IL18R1: variants seen among roughly 807,000 people sequenced by gnomAD.
IL18R1 encodes interleukin-18 receptor 1.
A neutral mutation model predicts 48.5 loss-of-function variants in IL18R1; 40 were observed. The ratio of observed to expected loss-of-function variants is 0.82; its 90% CI spans 0.64 to 1.07. The LOEUF (loss-of-function observed/expected upper bound fraction) is 1.07, where lower values mean the gene tolerates loss of function less well. Ranked by LOEUF, IL18R1 falls within the 50% of genes least tolerant of loss-of-function variation. The probability of loss-of-function intolerance (pLI) is 0.00; values close to 1 mark genes in which losing one functional copy is unlikely to be tolerated. For synonymous variants in IL18R1, 232 were observed against 225.9 expected, an observed-to-expected ratio of 1.03 and a Z score of -0.24; for missense variants, 596 against 633.7, an observed-to-expected ratio of 0.94 and a Z score of 0.64.
At chr2:102,364,319 T>A (rs1400579105) in intron 2 of IL18R1, among the ~76,000 whole-genome samples, 1 of 152,142 alleles carries the variant, frequency 6.6e-6, no homozygotes, top group Non-Finnish European at 1.5e-5. Flanking sequence ...AATTGCGAAA[T>A]GGTAACACGA....
chr2:102,366,068 G>C (rs1678877195), intron 2 of IL18R1, among the ~76,000 whole-genome samples: 1 of 152,138 alleles, frequency 6.6e-6, no homozygotes, highest in Non-Finnish European at 1.5e-5. Flanking sequence ...ATTAACATTT[G>C]AGTCCTCATT....
intron 1 of IL18R1, among the ~76,000 whole-genome samples, chr2:102,360,269 T>A (rs1286524069): frequency 6.6e-6 from 1 of 152,140 alleles, no homozygotes; most frequent in East Asian, 1.9e-4. Flanking sequence ...CTTTTAAACA[T>A]CTTTTATTTT....
intron 4 of IL18R1, among the ~76,000 whole-genome samples, chr2:102,372,761 C>A (rs1413853092): frequency 1.3e-5 from 2 of 152,032 alleles, no homozygotes; most frequent in African/African-American, 4.8e-5. Context: ...CTAACTAACC[C>A]CCTTGTTTCG....
chr2:102,363,875 T>C (rs1678732045), intron 2 of IL18R1, among the ~76,000 whole-genome samples: 1 of 152,246 alleles, frequency 6.6e-6, no homozygotes. Flanking sequence ...GCATTGGTTG[T>C]TGGCACTGCT....
In IL18R1 at chr2:102,356,197, CCTT is replaced by C. The variant is rs909484808; in HGVS notation, c.-222_-220del. The C allele has an allele frequency of 6.3e-5, 16 of 254,316 alleles. No homozygotes were observed. The highest frequency in any genetic ancestry group is 2.2e-4 in the African/African-American group (9 of 41,366). The allele number at this position is 254,316 out of a possible 1,614,324, so 15.8% of individuals were successfully genotyped here. A position where few individuals can be genotyped will look rare whatever the true frequency, so the allele number is the denominator to read the frequency against. ...TCTTCTTTCTGTTCCTACTTTTTTT[CCTT>C]CTTCTTCTTTTTTTTTTTTTTTGTA... On this transcript the variant is annotated 5_prime_UTR_variant, in exon 1 of 11. Transcript: ENST00000233957.
At position 102,396,948 on chromosome 2, in the gene IL18R1, C is replaced by A; in HGVS notation, c.*62C>A. The A allele has an allele frequency of 3.2e-6, 3 of 941,958 alleles. No individual in the cohort carries two copies. The highest frequency in any genetic ancestry group is 1.6e-5 in the African/African-American group (1 of 60,612). 58.3% of individuals were successfully genotyped at this position (941,958 alleles called of 1,614,324 possible). A position where few individuals can be genotyped will look rare whatever the true frequency, so the allele number is the denominator to read the frequency against. ...TATTCTGGGGACTGAGCATATGAAC[C>A]TGTTCATAACAAAGGCTGTGACTCG... On this transcript the variant is annotated 3_prime_UTR_variant, in exon 11 of 11. Transcript: ENST00000233957.
intron 5 of IL18R1, among the ~76,000 whole-genome samples, chr2:102,378,279 A>G (rs754066179): frequency 1.3e-5 from 2 of 152,198 alleles, no homozygotes; most frequent in African/African-American, 4.8e-5. Context: ...TGGGTGAGTT[A>G]ATTTCCTTAG....
chr2:102,378,661 A>G (rs1235932632), intron 5 of IL18R1, among the ~76,000 whole-genome samples: 1 of 152,186 alleles, frequency 6.6e-6, no homozygotes. Flanking sequence ...GGTTTCTGGA[A>G]AGGTTTGCAC....
At chr2:102,362,739 T>G in intron 2 of IL18R1, 21 bp downstream of exon 2, 1 of 1,429,064 alleles carries the variant, frequency 7.0e-7, no homozygotes, top group Non-Finnish European at 9.7e-7. Flanking sequence ...ATACATACTC[T>G]CAAACATATT....
At chr2:102,393,059 AC>A (rs1329701497) in intron 9 of IL18R1, among the ~76,000 whole-genome samples, 1 of 152,216 alleles carries the variant, frequency 6.6e-6, no homozygotes, top group Non-Finnish European at 1.5e-5. Flanking sequence ...TGTAATATAA[AC>A]CCATATTTGA....
At chr2:102,386,760 C>A in intron 7 of IL18R1, 101 bp from the exon 8 acceptor site, 2 of 1,143,462 alleles carry the variant, frequency 1.7e-6, no homozygotes, top group Non-Finnish European at 2.6e-6. Context: ...AGAAATAATG[C>A]AGGCAACATC....
At chr2:102,378,921 T>C (rs1286574729) in intron 5 of IL18R1, among the ~76,000 whole-genome samples, 2 of 152,218 alleles carry the variant, frequency 1.3e-5, no homozygotes, top group Non-Finnish European at 2.9e-5. Context: ...CTGACCTGTG[T>C]TGAGGACAGA....
chr2:102,385,730 G>GC (rs1465176954), intron 7 of IL18R1, among the ~76,000 whole-genome samples: 1 of 152,090 alleles, frequency 6.6e-6, no homozygotes, highest in Non-Finnish European at 1.5e-5. Context: ...CTGGCTTCTT[G>GC]CCCGGGAGCA....
At chr2:102,371,113 A>G (rs778415012) in intron 3 of IL18R1, among the ~76,000 whole-genome samples, 1 of 151,216 alleles carries the variant, frequency 6.6e-6, no homozygotes, top group East Asian at 2.0e-4. Flanking sequence ...CTGGAGTGCA[A>G]TGGCGCGATC....
chr2:102,367,870 C>T lies in IL18R1; in HGVS notation c.104C>T (p.Pro35Leu), dbSNP rs774529728. ...CACATTACTGTGGTTGAAGGGGAAC[C>T]TTTCTATCTGAAACATTGCTCGTGT... ...RPHITVVEGE[P>L]FYLKHCSCSL... Residue 35 changes from proline to leucine, a missense_variant, in exon 3 of 11, where the codon CCT becomes CTT. Transcript: ENST00000233957. The T allele has an allele frequency of 1.9e-6, 3 of 1,613,924 alleles. No homozygotes were observed. The highest frequency in any genetic ancestry group is 2.2e-5 in the East Asian group (1 of 44,886).
At chr2:102,386,785 G>C (rs1680254085) in intron 7 of IL18R1, 76 bp from the exon 8 acceptor site, 1 of 1,450,880 alleles carries the variant, frequency 6.9e-7, no homozygotes. Flanking sequence ...CTGCCTTCAA[G>C]CATTTTAAAC....
chr2:102,362,899 A>G, intron 2 of IL18R1, 181 bp downstream of exon 2: 1 of 399,858 alleles, frequency 2.5e-6, no homozygotes, highest in Non-Finnish European at 4.4e-6. Flanking sequence ...AATAAATTAC[A>G]TTTGTCTGAG....
At chr2:102,362,829 G>C (rs1284581804) in intron 2 of IL18R1, 111 bp downstream of exon 2, 2 of 614,244 alleles carry the variant, frequency 3.3e-6, no homozygotes, top group East Asian at 2.8e-5. Context: ...ATTCAGAAAA[G>C]AAAAGATTCT....
chr2:102,390,422 A>G (rs1224922249), intron 9 of IL18R1, among the ~76,000 whole-genome samples: 2 of 152,068 alleles, frequency 1.3e-5, no homozygotes, highest in African/African-American at 2.4e-5. Flanking sequence ...GTGTTGCCCA[A>G]AATTGTTCTG....
Sources: allele counts gnomAD v4.1 joint callset (sites outside exome capture counted in the v4.1 genomes callset), GRCh38; gene constraint gnomAD v4.1.1; transcripts MANE v1.5; gene names NCBI Gene and HGNC (gene_info 2026-07-23, HGNC 2026-07-21).